The following ATP1A2 variants were observed in gnomAD, a reference collection of about 807,000 sequenced individuals.
The protein encoded by ATP1A2 is sodium/potassium-transporting ATPase subunit alpha-2.
In ATP1A2, 56 loss-of-function variants were observed where a neutral mutation model predicts 113.1. The ratio of observed to expected loss-of-function variants is 0.49; its 90% CI spans 0.40 to 0.62. The LOEUF (loss-of-function observed/expected upper bound fraction) is 0.62, where lower values mean the gene tolerates loss of function less well. ATP1A2 is among the 20% of genes least tolerant of loss of function. ATP1A2 has a pLI of 0.00. For synonymous variants in ATP1A2, 490 were observed against 526.8 expected (o/e 0.93, Z 0.96); for missense variants, 712 against 1,357.8 (o/e 0.52, Z 7.47).
Position 160,128,992 on chromosome 1 carries a change from A to T in ATP1A2, c.1229A>T (p.Asp410Val). The T allele has an allele frequency of 6.2e-7, 1 of 1,605,292 alleles. No individual in the cohort carries two copies. The highest frequency in any genetic ancestry group is 8.5e-7 in the Non-Finnish European group (1 of 1,175,282). The change falls in exon 10 of 23, where the codon GAC (aspartate) becomes GTC (valine). Residue 410 changes from aspartate to valine, a missense_variant. Transcript: ENST00000361216. ...TTEDQSGATF[D>V]KRSPTWTALS... is the part of the protein sequence containing the mutation. ...CATTTCCTCCCAGGGGCCACTTTTGACAAACGATCCCCTACGTGGACGGCC... is the reference window on the plus strand; with the variant it reads ...CATTTCCTCCCAGGGGCCACTTTTGTCAAACGATCCCCTACGTGGACGGCC...
Position 160,134,507 on chromosome 1 carries a change from C to T in ATP1A2, c.1851C>T (p.His617=). The change falls in exon 14 of 23, where the codon CAC becomes CAT. Residue 617 remains histidine (H), a synonymous_variant. Transcript: ENST00000361216. ...AGGTGATCATGGTAACCGGGGATCACCCTATCACAGCCAAGGCCATTGCCA... is the reference window on the plus strand; with the variant it reads ...AGGTGATCATGGTAACCGGGGATCATCCTATCACAGCCAAGGCCATTGCCA... ...GIKVIMVTGD[H]PITAKAIAKG... is the part of the protein sequence containing the mutation. 6.2e-7 allele frequency: 1 copy of T among 1,614,222 alleles called. No individual in the cohort carries two copies. The highest frequency in any genetic ancestry group is 8.5e-7 in the Non-Finnish European group (1 of 1,180,044).
intron 1 of ATP1A2, among the ~76,000 whole-genome samples, chr1:160,116,727 CA>C (rs1421711556): frequency 1.3e-5 from 2 of 152,046 alleles, no homozygotes; most frequent in Non-Finnish European, 2.9e-5. Context: ...GGAATACTGG[CA>C]AAAGAGGACA....
intron 13 of ATP1A2, among the ~76,000 whole-genome samples, chr1:160,131,879 CTT>C (rs1240206706): frequency 6.6e-6 from 1 of 151,766 alleles, no homozygotes; most frequent in African/African-American, 2.4e-5. Context: ...GTGGGTAAGT[CTT>C]TTCCCCAAAA....
In ATP1A2 at chr1:160,141,394, G is replaced by C. The variant is rs2070701; in HGVS notation, c.*72G>C. 6.3e-7 allele frequency: 1 copy of C among 1,590,782 alleles called. No homozygotes were observed. The highest frequency in any genetic ancestry group is 8.6e-7 in the Non-Finnish European group (1 of 1,159,184). On this transcript the variant is annotated 3_prime_UTR_variant, in exon 23 of 23. Coordinates refer to ENST00000361216, the MANE Select transcript of ATP1A2 (RefSeq NM_000702.4). ...GGTGTTGTGGGGATGGTGATGGAGAGGGATGGAAATAACGGGTGGCATTGG... is the reference window on the plus strand; with the variant it reads ...GGTGTTGTGGGGATGGTGATGGAGACGGATGGAAATAACGGGTGGCATTGG...
In ATP1A2 at chr1:160,141,126, A is replaced by G. The variant is rs142189936; in HGVS notation, c.3035-168A>G. Among the ~76,000 whole-genome samples, 3,878 of 152,202 alleles carry G rather than the reference A, an allele frequency of 0.025. 157 individuals are homozygous for G. Among genetic ancestry groups the G allele is most frequent in the African/African-American group, 0.088 (3,671 of 41,518 alleles). ...CTCCCAGTATGCTGGGATTACAGGC[A>G]TGAGCCACTGCACCCAGCCTCCTTC... On this transcript the variant is annotated intron_variant, in intron 22 of 22. Coordinates refer to ENST00000361216, the MANE Select transcript of ATP1A2 (RefSeq NM_000702.4).
intron 7 of ATP1A2, 70 bp downstream of exon 7, chr1:160,125,323 TG>T: frequency 7.0e-7 from 1 of 1,420,798 alleles, no homozygotes; most frequent in Non-Finnish European, 9.9e-7. Context: ...TGAAGGGCTC[TG>T]GTAGTACTTA....
In ATP1A2 at chr1:160,135,084, G is replaced by T; in HGVS notation, c.1965-61G>T. The T allele has an allele frequency of 6.2e-7, 1 of 1,609,178 alleles. No individual in the cohort carries two copies. Among genetic ancestry groups the T allele is most frequent in the Middle Eastern group, 1.7e-4 (1 of 6,052 alleles). ...GCTGCGGTGGTGAAGAGAGGCAGGGGGCAGGAGGGGCTGGTACAGGTGCCA... is the reference window on the plus strand; with the variant it reads ...GCTGCGGTGGTGAAGAGAGGCAGGGTGCAGGAGGGGCTGGTACAGGTGCCA... On this transcript the variant is annotated intron_variant, in intron 14 of 22. Coordinates refer to ENST00000361216, the MANE Select transcript of ATP1A2 (RefSeq NM_000702.4). This position sits in a 1 kb window ranked among gnomAD's most constrained non-coding sequence, Gnocchi z 6.3.
chr1:160,132,264 G>A (rs964251718), intron 13 of ATP1A2, among the ~76,000 whole-genome samples: 19 of 152,026 alleles, frequency 1.2e-4, no homozygotes, highest in Non-Finnish European at 4.4e-5. Context: ...GGTTGAGACT[G>A]GAACACTGGG....
At chr1:160,116,527 G>C (rs574820831) in intron 1 of ATP1A2, among the ~76,000 whole-genome samples, 30 of 70,298 alleles carry the variant, frequency 4.3e-4, no homozygotes, top group Non-Finnish European at 7.6e-4. Flanking sequence ...TTTCCCAGAG[G>C]CTGGTGACAG....
intron 1 of ATP1A2, among the ~76,000 whole-genome samples, chr1:160,116,146 AC>A (rs1002988579): frequency 7.1e-6 from 1 of 140,142 alleles, no homozygotes; most frequent in African/African-American, 2.8e-5. Flanking sequence ...CTCTCCCTCC[AC>A]CCCACTCCCA....
intron 1 of ATP1A2, 148 bp from the exon 2 acceptor site, chr1:160,120,758 C>T (rs1001207939): frequency 2.6e-6 from 2 of 756,222 alleles, no homozygotes; most frequent in African/African-American, 3.5e-5. Context: ...GCCTAGGGTC[C>T]CTCACCCTCC....
At position 160,123,112 on chromosome 1, in the gene ATP1A2, T is replaced by C. The variant is rs1039527452; in HGVS notation, c.178-101T>C. On this transcript the variant is annotated intron_variant, in intron 3 of 22. Transcript: ENST00000361216. ...CCTTCCAACCAGGTGGGACTTTCCT[T>C]CTGGGCATTCTTCCCATGCCCGGGA... The C allele has an allele frequency of 4.4e-6, 6 of 1,373,734 alleles. No homozygotes were observed. The African/African-American group carries it at 5.7e-5, about 13-fold the overall frequency. 85.1% of individuals were successfully genotyped at this position (1,373,734 alleles called of 1,614,324 possible). A position where few individuals can be genotyped will look rare whatever the true frequency, so the allele number is the denominator to read the frequency against.
At position 160,134,586 on chromosome 1, in the gene ATP1A2, C is replaced by G. The variant is rs150784486; in HGVS notation, c.1930C>G (p.Arg644Gly). 1 of 1,614,066 alleles carries G rather than the reference C, an allele frequency of 6.2e-7. No homozygotes were observed. Among genetic ancestry groups the G allele is most frequent in the East Asian group, 2.2e-5 (1 of 44,900 alleles). Reference protein sequence around the residue: ...GNETVEDIAARLNIPMSQVNP... With the variant: ...GNETVEDIAAGLNIPMSQVNP... ...CGAGACTGTGGAGGACATTGCAGCC[C>G]GGCTCAACATTCCCATGAGTCAAGT... The change falls in exon 14 of 23, where the codon CGG becomes GGG. Residue 644 changes from arginine (R) to glycine (G), a missense_variant. Arg to Gly is a moderately radical substitution (Grantham distance 125). Coordinates refer to ENST00000361216, the MANE Select transcript of ATP1A2 (RefSeq NM_000702.4).
rs5778150 is a variant in ATP1A2 at position 160,119,827 on chromosome 1, T to TA, written c.13-1061dup. Among the ~76,000 whole-genome samples the TA allele has an allele frequency of 4.7e-3, 634 of 134,588 alleles. 6 individuals are homozygous for TA. The highest frequency in any genetic ancestry group is 0.021 in the East Asian group (99 of 4,668). The allele number at this position is 134,588 out of a possible 152,430, so 88.3% of individuals were successfully genotyped here. A position where few individuals can be genotyped will look rare whatever the true frequency, so the allele number is the denominator to read the frequency against. Reference sequence around the variant, plus strand: ...AGGCAATATAGTGAGACCTTATATCTAAAAAAAAAAAAAAAAAAGAAAGAA... The same window carrying TA: ...AGGCAATATAGTGAGACCTTATATCTAAAAAAAAAAAAAAAAAAAGAAAGAA... On this transcript the variant is annotated intron_variant, in intron 1 of 22. Transcript: ENST00000361216.
At chr1:160,120,031 A>G in intron 1 of ATP1A2, among the ~76,000 whole-genome samples, 1 of 152,030 alleles carries the variant, frequency 6.6e-6, no homozygotes, top group East Asian at 1.9e-4. Context: ...AAGAAAAAAA[A>G]AAAGGCCATC....
chr1:160,136,055 G>A lies in ATP1A2; in HGVS notation c.2439+62G>A, dbSNP rs1651925754. 2.5e-6 allele frequency: 4 copies of A among 1,613,108 alleles called. No homozygotes were observed. In the South Asian group the frequency reaches 4.4e-5, roughly 18 times the overall value. On this transcript the variant is annotated intron_variant, in intron 17 of 22. Coordinates refer to ENST00000361216, the MANE Select transcript of ATP1A2 (RefSeq NM_000702.4). ...AATCGTGATGGCACAGTGGCAGGGAGGAGAGGTGCACTGGGGCAGTGGCCC... is the reference window on the plus strand; with the variant it reads ...AATCGTGATGGCACAGTGGCAGGGAAGAGAGGTGCACTGGGGCAGTGGCCC...
intron 22 of ATP1A2, chr1:160,140,783 A>T (rs1400879324): frequency 1.4e-5 from 2 of 146,652 alleles, no homozygotes; most frequent in African/African-American, 6.8e-5. Context: ...AGGCAGGTTC[A>T]CCCTCCCTTC....
intron 7 of ATP1A2, 39 bp from the exon 8 acceptor site, chr1:160,127,513 G>A (rs1285517241): frequency 9.3e-6 from 15 of 1,613,468 alleles, no homozygotes; most frequent in Non-Finnish European, 1.3e-5. Flanking sequence ...GTCCCTGGGA[G>A]CCACAAGGCA....
chr1:160,126,070 C>CAG (rs1196461989), intron 7 of ATP1A2, among the ~76,000 whole-genome samples: 2 of 152,166 alleles, frequency 1.3e-5, no homozygotes, highest in East Asian at 3.9e-4. Flanking sequence ...CATTTCTCCT[C>CAG]AGTGTATTAT....
Sources: gnomAD v4.1 joint callset for allele counts (sites outside exome capture counted in the v4.1 genomes callset) on GRCh38, gnomAD v4.1.1 for gene constraint, Gnocchi (gnomAD v3.1) non-coding constraint, MANE v1.5 for transcripts, NCBI Gene and HGNC (gene_info 2026-07-23, HGNC 2026-07-21) for gene names.